Variants in CREG2 observed in about 807,000 individuals in gnomAD.
The protein encoded by CREG2 is protein CREG2.
CREG2 carries 24 observed loss-of-function variants against 26.2 expected under a neutral mutation model. The ratio of observed to expected loss-of-function variants is 0.92; its 90% CI spans 0.66 to 1.29. The LOEUF (loss-of-function observed/expected upper bound fraction) is 1.29. Ranked by LOEUF, CREG2 falls within the 50% of genes most tolerant of loss-of-function variation. The pLI, the probability that CREG2 is intolerant of heterozygous loss-of-function variation, is 0.00. For synonymous variants in CREG2, 174 were observed against 169.2 expected (o/e 1.03, Z -0.22); for missense variants, 366 against 398.6 (o/e 0.92, Z 0.70).
Position 101,349,378 on chromosome 2 carries a change from T to C in CREG2, c.*1545A>G, listed in dbSNP as rs1684344957. ...TTTTTAGCAATAGATAATTAAAATA[T>C]ATTTTGACAACTCAAGCTCTCGTCG... On this transcript the variant is annotated 3_prime_UTR_variant, in exon 4 of 4. Coordinates refer to ENST00000324768, the MANE Select transcript of CREG2 (RefSeq NM_153836.4). 1 of 152,654 alleles carries C rather than the reference T, an allele frequency of 6.6e-6. No individual in the cohort carries two copies. The highest frequency in any genetic ancestry group is 1.5e-5 in the Non-Finnish European group (1 of 68,044). The allele number at this position is 152,654 out of a possible 1,614,324, so 9.5% of individuals were successfully genotyped here. A position where few individuals can be genotyped will look rare whatever the true frequency, so the allele number is the denominator to read the frequency against.
At chr2:101,364,519 G>A (rs531595361) in intron 2 of CREG2, among the ~76,000 whole-genome samples, 80 of 152,318 alleles carry the variant, frequency 5.3e-4, no homozygotes, top group Non-Finnish European at 9.1e-4. Context: ...GAGTTGCCTC[G>A]TGTGATTTCG....
At chr2:101,351,953 A>G (rs1169705728) in intron 3 of CREG2, among the ~76,000 whole-genome samples, 1 of 151,974 alleles carries the variant, frequency 6.6e-6, no homozygotes, top group Admixed American at 6.6e-5. Flanking sequence ...TGGCGGGATC[A>G]TAGCTCACCG....
At chr2:101,352,010 T>A (rs750726393) in intron 3 of CREG2, among the ~76,000 whole-genome samples, 1 of 151,434 alleles carries the variant, frequency 6.6e-6, no homozygotes, top group African/African-American at 2.4e-5. Flanking sequence ...CTCAGCCTCA[T>A]GAGTAGCGTG....
At chr2:101,381,441 A>G (rs535595948) in intron 2 of CREG2, among the ~76,000 whole-genome samples, 1 of 152,338 alleles carries the variant, frequency 6.6e-6, no homozygotes, top group Admixed American at 6.5e-5. Flanking sequence ...TGCGAACCTC[A>G]CACAGGTGAG....
At chr2:101,361,053 G>C (rs1684531147) in intron 2 of CREG2, among the ~76,000 whole-genome samples, 1 of 152,186 alleles carries the variant, frequency 6.6e-6, no homozygotes, top group Non-Finnish European at 1.5e-5. Context: ...AAATTGTTCT[G>C]TGATGAAAGC....
chr2:101,376,234 T>G (rs1196984799), intron 2 of CREG2, among the ~76,000 whole-genome samples: 2 of 152,142 alleles, frequency 1.3e-5, no homozygotes, highest in East Asian at 1.9e-4. Flanking sequence ...TGAACAGACA[T>G]CTTCTCTTAA....
At chr2:101,378,660 T>C (rs1684825364) in intron 2 of CREG2, among the ~76,000 whole-genome samples, 1 of 152,130 alleles carries the variant, frequency 6.6e-6, no homozygotes. Context: ...TCTCCCCTCT[T>C]CGTCATACCA....
intron 3 of CREG2, among the ~76,000 whole-genome samples, chr2:101,351,427 G>A (rs1261131920): frequency 6.6e-6 from 1 of 152,206 alleles, no homozygotes; most frequent in Admixed American, 6.5e-5. Flanking sequence ...GGCTGTGTGG[G>A]GAAGCAGGCA....
At chr2:101,357,123 G>T (rs1164956323) in intron 2 of CREG2, among the ~76,000 whole-genome samples, 1 of 152,302 alleles carries the variant, frequency 6.6e-6, no homozygotes, top group Middle Eastern at 3.4e-3. Context: ...TCCTGACCCT[G>T]TGATTCGCCC....
intron 2 of CREG2, among the ~76,000 whole-genome samples, chr2:101,380,210 C>A (rs1684851320): frequency 1.3e-5 from 2 of 152,214 alleles, no homozygotes; most frequent in South Asian, 4.1e-4. Flanking sequence ...CTGAAAGTAG[C>A]CTGTCCTCGG....
chr2:101,387,091 G>T lies in CREG2; in HGVS notation c.367C>A (p.Arg123Ser), dbSNP rs150797826. The change falls in exon 1 of 4, where the codon CGC becomes AGC. Residue 123 changes from arginine (R) to serine (S), a missense_variant. This residue lies in a region of CREG2 where 15 missense variants were observed against 37.2 expected (regional missense o/e 0.40). Transcript: ENST00000324768. The surrounding 1 kb of genome is among the most constrained non-coding windows in gnomAD (Gnocchi z 4.7). ...GCCAGGGAGCGGGCGGTGGCGGCGC[G>T]CAGTCTAGGGCCCGGGGGCGCACTG... ...TASAPPGPRLRAATARSLAHA... is the reference protein window; with the variant it reads ...TASAPPGPRLSAATARSLAHA... 2.4e-3 allele frequency: 2,913 copies of T among 1,233,360 alleles called. 50 individuals carry two copies. In the African/African-American group the frequency reaches 0.039, roughly 16 times the overall value. 76.4% of individuals were successfully genotyped at this position (1,233,360 alleles called of 1,614,324 possible).
At chr2:101,363,166 C>T (rs899384862) in intron 2 of CREG2, among the ~76,000 whole-genome samples, 2 of 152,142 alleles carry the variant, frequency 1.3e-5, no homozygotes, top group African/African-American at 4.8e-5. Flanking sequence ...CTGTTCTTAG[C>T]GGGTGGGTTT....
Position 101,350,804 on chromosome 2 carries a change from G to A in CREG2, c.*119C>T, listed in dbSNP as rs1270025304. On this transcript the variant is annotated 3_prime_UTR_variant, in exon 4 of 4. Transcript: ENST00000324768. ...GTTCACCCTCTCTCATTCTGCTGCAGGGATGGCAGGGCTGCTATGAACCCT... is the reference window on the plus strand; with the variant it reads ...GTTCACCCTCTCTCATTCTGCTGCAAGGATGGCAGGGCTGCTATGAACCCT... 1.0e-6 allele frequency: 1 copy of A among 985,318 alleles called. No individual in the cohort carries two copies. Among genetic ancestry groups the A allele is most frequent in the African/African-American group, 1.6e-5 (1 of 62,438 alleles). 61.0% of individuals were successfully genotyped at this position (985,318 alleles called of 1,614,324 possible). A position where few individuals can be genotyped will look rare whatever the true frequency, so the allele number is the denominator to read the frequency against.
At chr2:101,383,828 G>A (rs987817428) in intron 1 of CREG2, 126 bp from the exon 2 acceptor site, 1 of 819,246 alleles carries the variant, frequency 1.2e-6, no homozygotes, top group African/African-American at 1.7e-5. Context: ...GCATCACAGT[G>A]GCTCTGACAG....
chr2:101,379,811 G>C (rs1244317825), intron 2 of CREG2, among the ~76,000 whole-genome samples: 1 of 152,216 alleles, frequency 6.6e-6, no homozygotes, highest in Admixed American at 6.5e-5. Flanking sequence ...TAAGGATTCT[G>C]TTGCTTTTCC....
At chr2:101,368,441 A>G (rs1301655255) in intron 2 of CREG2, among the ~76,000 whole-genome samples, 1 of 152,324 alleles carries the variant, frequency 6.6e-6, no homozygotes, top group Non-Finnish European at 1.5e-5. Context: ...ATATGCAACC[A>G]ATAAATGGCC....
chr2:101,373,223 GAATGGATAAATAAA>G (rs140672233), intron 2 of CREG2, among the ~76,000 whole-genome samples: 18,250 of 152,120 alleles, frequency 0.12, 1,354 homozygotes, highest in East Asian at 0.23. Flanking sequence ...AACTCATGAC[GAATGGATAAATAAA>G]AATGGATAAA....
intron 1 of CREG2, among the ~76,000 whole-genome samples, chr2:101,385,364 A>G (rs1684951477): frequency 3.3e-5 from 5 of 151,916 alleles, no homozygotes. Flanking sequence ...TATTTTTAGT[A>G]GAGACAGGGT....
intron 2 of CREG2, among the ~76,000 whole-genome samples, chr2:101,380,379 G>A (rs558260669): frequency 2.6e-5 from 4 of 152,320 alleles, no homozygotes; most frequent in African/African-American, 7.2e-5. Flanking sequence ...CTTGATGAAC[G>A]CAGAGGCAGG....
Sources: allele counts gnomAD v4.1 joint callset (sites outside exome capture counted in the v4.1 genomes callset), GRCh38; gene constraint gnomAD v4.1.1; regional missense constraint gnomAD v4.1.1; non-coding constraint Gnocchi (gnomAD v3.1); transcripts MANE v1.5; gene names NCBI Gene and HGNC (gene_info 2026-07-23, HGNC 2026-07-21).